Variants in CD36 observed in about 807,000 individuals in gnomAD.
CD36 encodes platelet glycoprotein 4.
In CD36, 119 loss-of-function variants were observed where a neutral mutation model predicts 55.2. The ratio of observed to expected loss-of-function variants is 2.15; its 90% confidence interval spans 1.86 to 2.51. The LOEUF is 2.51. CD36 is among the 30% of genes most tolerant of loss of function. The pLI is 0.00. For synonymous variants in CD36, 186 were observed against 193.6 expected, an observed-to-expected ratio of 0.96 and a Z score of 0.33; for missense variants, 819 against 555.5, an observed-to-expected ratio of 1.47 and a Z score of -4.77.
At chr7:80,635,969 A>G (rs1013329499), upstream of CD36, among the ~76,000 whole-genome samples, 2 of 152,158 alleles carry the variant, frequency 1.3e-5, no homozygotes, top group African/African-American at 2.4e-5. Flanking sequence ...AATTAAACAG[A>G]CAAGCATCCC....
chr7:80,667,649 G>T (rs116879025), intron 8 of CD36, among the ~76,000 whole-genome samples: 1 of 150,680 alleles, frequency 6.6e-6, no homozygotes, highest in African/African-American at 2.4e-5. Context: ...CTTCGTATGC[G>T]TACTTGATTC....
chr7:80,668,336 G>T (rs1195102040), intron 8 of CD36, among the ~76,000 whole-genome samples: 1 of 152,116 alleles, frequency 6.6e-6, no homozygotes, highest in Non-Finnish European at 1.5e-5. Context: ...ATACAAACTA[G>T]GAAAAGAGGG....
intron 9 of CD36, 61 bp from the exon 10 acceptor site, chr7:80,670,916 A>T (rs1797594218): frequency 8.9e-7 from 1 of 1,127,970 alleles, no homozygotes; most frequent in Middle Eastern, 2.0e-4. Flanking sequence ...ATAAGAAAAA[A>T]TGAATCTCCA....
chr7:80,669,984 A>T lies in CD36; in HGVS notation c.780A>T (p.Lys260Asn). ...CCTCATTTCCACCTTTTGTTGAGAAAAGCCAGGTATTGCAGTTCTTTTCTT... is the reference window on the plus strand; with the variant it reads ...CCTCATTTCCACCTTTTGTTGAGAATAGCCAGGTATTGCAGTTCTTTTCTT... ...DAASFPPFVE[K>N]SQVLQFFSSD... is the part of the protein sequence containing the mutation. Residue 260 changes from lysine (K) to asparagine (N), a missense_variant, in exon 9 of 15, where the codon AAA (lysine) becomes AAT (asparagine). Transcript: ENST00000447544. 6.2e-7 allele frequency: 1 copy of T among 1,612,804 alleles called. No homozygotes were observed. The highest frequency in any genetic ancestry group is 8.5e-7 in the Non-Finnish European group (1 of 1,178,960).
At chr7:80,640,993 G>C in intron 1 of CD36, among the ~76,000 whole-genome samples, 1 of 151,994 alleles carries the variant, frequency 6.6e-6, no homozygotes, top group East Asian at 1.9e-4. Context: ...TAAGATTCTG[G>C]AGATCTCATA....
At position 80,663,097 on chromosome 7, in the gene CD36, A is replaced by T. The variant is rs113887411; in HGVS notation, c.537A>T (p.Leu179Phe). 4.3e-6 allele frequency: 7 copies of T among 1,613,612 alleles called. No individual in the cohort carries two copies. In the African/African-American group the frequency reaches 8.0e-5, roughly 18 times the overall value. Residue 179 changes from leucine (L) to phenylalanine (F), a missense_variant, in exon 6 of 15, where the codon TTA becomes TTT. Physicochemically the swap from Leu to Phe is conservative, Grantham distance 22. Coordinates refer to ENST00000447544, the MANE Select transcript of CD36 (RefSeq NM_001001548.3). ...AAGTCAGAACTTTGAGAGAACTGTTATGGGGCTATAGGGATCCATTTTTGA... is the reference window on the plus strand; with the variant it reads ...AAGTCAGAACTTTGAGAGAACTGTTTTGGGGCTATAGGGATCCATTTTTGA... ...MFQVRTLREL[L>F]WGYRDPFLSL... is the part of the protein sequence containing the mutation.
chr7:80,616,421 CTGTGTG>C lies in CD36; in HGVS notation c.-184+14065_-184+14070del, dbSNP rs143980767. Among the ~76,000 whole-genome samples, 250 of 145,502 alleles carry C rather than the reference CTGTGTG, an allele frequency of 1.7e-3. 3 individuals are homozygous for C. The South Asian group carries it at 0.018, about 11-fold the overall frequency. ...TGAATCATTGTAAGTTGGGGACCAT[CTGTGTG>C]TGTGTGTGTGTGTGTGTGTGTGCCT... On this transcript the variant is annotated intron_variant, in intron 1 of 13. Coordinates refer to the CD36 transcript ENST00000309881.
At chr7:80,644,453 C>T (rs1457368617) in intron 1 of CD36, among the ~76,000 whole-genome samples, 1 of 152,014 alleles carries the variant, frequency 6.6e-6, no homozygotes, top group Non-Finnish European at 1.5e-5. Context: ...TGGAAAGTAT[C>T]CTATGTATAA....
intron 1 of CD36, chr7:80,633,106 T>C (rs2116138102): frequency 6.6e-6 from 1 of 152,142 alleles, no homozygotes; most frequent in South Asian, 2.1e-4. Context: ...ATCTACTCTA[T>C]GAACACAGTT....
At chr7:80,668,711 C>T (rs1797361283) in intron 8 of CD36, among the ~76,000 whole-genome samples, 1 of 152,126 alleles carries the variant, frequency 6.6e-6, no homozygotes, top group Non-Finnish European at 1.5e-5. Context: ...CAGTTGTTGT[C>T]AATGTCCATA....
At chr7:80,629,477 C>A in intron 1 of CD36, among the ~76,000 whole-genome samples, 1 of 151,910 alleles carries the variant, frequency 6.6e-6, no homozygotes, top group Non-Finnish European at 1.5e-5. Flanking sequence ...GAGGCAATAC[C>A]ACATTAATAG....
intron 1 of CD36, among the ~76,000 whole-genome samples, chr7:80,621,617 ATAATT>A (rs1793475700): frequency 6.6e-6 from 1 of 152,264 alleles, no homozygotes; most frequent in Admixed American, 6.5e-5. Context: ...AATAATTCAA[ATAATT>A]TAAAGGTCAT....
chr7:80,604,828 T>A (rs1395304347), intron 1 of CD36, among the ~76,000 whole-genome samples: 4 of 152,150 alleles, frequency 2.6e-5, no homozygotes, highest in African/African-American at 9.7e-5. Flanking sequence ...TTTTCTCATT[T>A]AAATTTTTAG....
chr7:80,674,495 G>T (rs1798069625), intron 14 of CD36: 1 of 261,486 alleles, frequency 3.8e-6, no homozygotes, highest in African/African-American at 2.3e-5. Flanking sequence ...CTAGGAAATG[G>T]TTTCATAAGA....
intron 1 of CD36, among the ~76,000 whole-genome samples, chr7:80,629,116 G>A (rs1329321835): frequency 6.6e-6 from 1 of 152,020 alleles, no homozygotes; most frequent in Non-Finnish European, 1.5e-5. Flanking sequence ...TCAATAGGAG[G>A]ACAGGTTTGC....
intron 1 of CD36, among the ~76,000 whole-genome samples, chr7:80,645,576 G>A (rs1217708854): frequency 3.3e-5 from 5 of 151,986 alleles, no homozygotes; most frequent in Non-Finnish European, 7.4e-5. Flanking sequence ...AGGTTGCAGT[G>A]AGCCGAGATC....
chr7:80,671,059 G>A lies in CD36; in HGVS notation c.901G>A (p.Ala301Thr), dbSNP rs940378066. 13 of 1,612,216 alleles carry A rather than the reference G, an allele frequency of 8.1e-6. No homozygotes were observed. The Admixed American group carries it at 8.3e-5, about 10-fold the overall frequency. Residue 301 changes from alanine to threonine, a missense_variant, in exon 10 of 15, where the codon GCC becomes ACC. By Grantham distance (58) the Ala-to-Thr change is moderately conservative. Transcript: ENST00000447544. ...ATTTGTTCTTCCATCCAAGGCCTTT[G>A]CCTCTCCAGTTGAAAACCCAGACAA... ...YRFVLPSKAF[A>T]SPVENPDNYC...
chr7:80,658,045 A>G (rs1796228024), intron 4 of CD36, among the ~76,000 whole-genome samples: 1 of 152,202 alleles, frequency 6.6e-6, no homozygotes, highest in Non-Finnish European at 1.5e-5. Flanking sequence ...ATGACATATA[A>G]GCCCCAGAGG....
At chr7:80,649,027 A>G (rs1334546397) in intron 3 of CD36, among the ~76,000 whole-genome samples, 5 of 152,144 alleles carry the variant, frequency 3.3e-5, no homozygotes, top group Non-Finnish European at 2.9e-5. Flanking sequence ...AATTGATGAT[A>G]CAATACACAA....
Sources: allele counts gnomAD v4.1 joint callset (sites outside exome capture counted in the v4.1 genomes callset), GRCh38; gene constraint gnomAD v4.1.1; transcripts MANE v1.5; gene names NCBI Gene and HGNC (gene_info 2026-07-23, HGNC 2026-07-21).